Variants in CEP128 observed in about 807,000 individuals in gnomAD.
CEP128 encodes the protein centrosomal protein 128.
A neutral mutation model predicts 156.7 loss-of-function variants in CEP128; 132 were observed. The observed-to-expected ratio is 0.84, with a 90% confidence interval of 0.73 to 0.97. The LOEUF (loss-of-function observed/expected upper bound fraction) is 0.97. Among genes scored for constraint, CEP128 ranks in the 50% least tolerant of loss-of-function variants. CEP128 has a pLI of 0.00. For missense variants in CEP128, 1,252 were observed against 1,281.9 expected, an observed-to-expected ratio of 0.98 and a Z score of 0.36; for synonymous variants, 469 against 448.9, an observed-to-expected ratio of 1.04 and a Z score of -0.57.
intron 9 of CEP128, among the ~76,000 whole-genome samples, chr14:80,856,068 C>T (rs557886869): frequency 1.3e-5 from 2 of 152,150 alleles, no homozygotes; most frequent in Admixed American, 1.3e-4. Flanking sequence ...AAAAAAGTAT[C>T]GATTACTTTA....
intron 8 of CEP128, among the ~76,000 whole-genome samples, chr14:80,894,948 A>C (rs1243064431): frequency 6.6e-6 from 1 of 152,030 alleles, no homozygotes; most frequent in Non-Finnish European, 1.5e-5. Flanking sequence ...ATTTGAATAA[A>C]ATATATTAAG....
intron 19 of CEP128, among the ~76,000 whole-genome samples, chr14:80,623,521 G>T (rs975092387): frequency 6.6e-6 from 1 of 151,112 alleles, no homozygotes. Flanking sequence ...AAAATTTAAA[G>T]CATGGTTTCA....
chr14:80,508,500 G>A (rs933207462), intron 23 of CEP128, among the ~76,000 whole-genome samples: 4 of 151,498 alleles, frequency 2.6e-5, no homozygotes, highest in African/African-American at 9.7e-5. Context: ...TCATTATTAG[G>A]GTTATATAGT....
At chr14:80,594,800 A>T (rs1006929141) in intron 19 of CEP128, among the ~76,000 whole-genome samples, 6 of 152,210 alleles carry the variant, frequency 3.9e-5, no homozygotes, top group Admixed American at 2.0e-4. Flanking sequence ...TTAGAATGGC[A>T]ATCATTAAAA....
intron 19 of CEP128, among the ~76,000 whole-genome samples, chr14:80,598,903 A>G (rs994776690): frequency 2.6e-5 from 4 of 152,222 alleles, no homozygotes; most frequent in Non-Finnish European, 4.4e-5. Context: ...GGATGTGGCT[A>G]TAAAAAATAT....
chr14:80,605,552 G>C (rs1394832131), intron 19 of CEP128, among the ~76,000 whole-genome samples: 2 of 151,742 alleles, frequency 1.3e-5, no homozygotes, highest in Admixed American at 6.6e-5. Context: ...TTCTTATTCA[G>C]ACTCTTTTTA....
chr14:80,904,844 C>G lies in CEP128; in HGVS notation c.449G>C (p.Arg150Pro), dbSNP rs201939198. The G allele has an allele frequency of 6.2e-7, 1 of 1,606,858 alleles. No homozygotes were observed. The highest frequency in any genetic ancestry group is 2.2e-5 in the East Asian group (1 of 44,840). ...CATATCATCAGTCTCTTGAACAAAC[C>G]GGACACCAGTTCTTGATCTCATTCG... is the stretch of plus-strand genomic sequence containing the variant. ...IKRMRSRTGV[R>P]FVQETDDMTQ... The change falls in exon 6 of 25, where the codon CGG becomes CCG. Residue 150 changes from arginine to proline, a missense_variant. Physicochemically the swap from Arg to Pro is moderately radical, Grantham distance 103. Transcript: ENST00000555265.
In CEP128 at chr14:80,784,879, A is replaced by C. The variant is rs772480528; in HGVS notation, c.2211+16T>G. 6.3e-7 allele frequency: 1 copy of C among 1,576,202 alleles called. No individual in the cohort carries two copies. Among genetic ancestry groups the C allele is most frequent in the South Asian group, 1.2e-5 (1 of 84,172 alleles). ...AAAATTCCTTCAGTATCATCAGGAT[A>C]ATTTAGCAGAGGTACCTTCAGAGTC... On this transcript the variant is annotated intron_variant, in intron 15 of 24. Transcript: ENST00000555265.
chr14:80,901,089 C>A (rs1307652642), intron 6 of CEP128, among the ~76,000 whole-genome samples: 1 of 151,812 alleles, frequency 6.6e-6, no homozygotes, highest in Non-Finnish European at 1.5e-5. Flanking sequence ...GCCTGTAGTC[C>A]CAGCTACTCG....
At chr14:80,500,432 G>C (rs753911321) in intron 24 of CEP128, among the ~76,000 whole-genome samples, 17 of 152,116 alleles carry the variant, frequency 1.1e-4, no homozygotes, top group Admixed American at 2.0e-4. Context: ...GATCTAAACT[G>C]CTCCAAACTC....
At chr14:80,530,920 T>TA (rs60585438) in intron 21 of CEP128, 34 bp from the exon 22 acceptor site, 45 of 1,413,166 alleles carry the variant, frequency 3.2e-5, no homozygotes, top group African/African-American at 5.7e-5. Flanking sequence ...CCAAACATTA[T>TA]AAAAAATTGA....
chr14:80,708,201 A>G (rs970518114), intron 19 of CEP128, among the ~76,000 whole-genome samples: 5 of 152,022 alleles, frequency 3.3e-5, no homozygotes, highest in Non-Finnish European at 5.9e-5. Flanking sequence ...GGAATTTTGT[A>G]TTGTTTTCAC....
chr14:80,656,313 A>ATT (rs1566837937), intron 19 of CEP128, among the ~76,000 whole-genome samples: 5 of 19,966 alleles, frequency 2.5e-4, no homozygotes, highest in African/African-American at 1.3e-3. Flanking sequence ...ATATATATAT[A>ATT]TATATATATA....
chr14:80,660,387 T>C (rs1317621961), intron 19 of CEP128, among the ~76,000 whole-genome samples: 4 of 152,164 alleles, frequency 2.6e-5, no homozygotes, highest in Non-Finnish European at 4.4e-5. Flanking sequence ...ATGCCATAGG[T>C]GATATCAATC....
At chr14:80,489,907 CAA>C (rs34425331), downstream of CEP128, among the ~76,000 whole-genome samples, 847 of 131,608 alleles carry the variant, frequency 6.4e-3, 2 homozygotes, top group South Asian at 0.014. Flanking sequence ...GTTTTATCAC[CAA>C]AAAAAAAAAA....
chr14:80,789,874 GTTGTT>G lies in CEP128; in HGVS notation c.1560+2881_1560+2885del, dbSNP rs532174317. Among the ~76,000 whole-genome samples the G allele has an allele frequency of 2.5e-3, 378 of 150,388 alleles. 3 individuals carry two copies. The highest frequency in any genetic ancestry group is 8.7e-3 in the African/African-American group (354 of 40,922). The stretch of plus-strand genomic sequence containing the variant: ...GGGCTTGCTCAATGTTTTTTTTGTT[GTTGTT>G]TTGTTTTGTTTTGTTTTTTACCTGC... On this transcript the variant is annotated intron_variant, in intron 14 of 24. Transcript: ENST00000555265.
chr14:80,754,112 A>G (rs327444), intron 18 of CEP128, among the ~76,000 whole-genome samples: 150,670 of 152,324 alleles, frequency 0.99, 74,544 homozygotes, highest in Middle Eastern at 1. Context: ...TGCAATGTAG[A>G]TCTGAATCCA....
chr14:80,911,248 C>A (rs908759344), intron 4 of CEP128, among the ~76,000 whole-genome samples: 1 of 152,196 alleles, frequency 6.6e-6, no homozygotes, highest in Non-Finnish European at 1.5e-5. Context: ...CCTATAATCC[C>A]AGCACTTTGG....
At chr14:80,891,791 AT>A (rs1432513998) in intron 8 of CEP128, among the ~76,000 whole-genome samples, 18 of 152,024 alleles carry the variant, frequency 1.2e-4, no homozygotes, top group African/African-American at 4.3e-4. Context: ...CTGAATAAAA[AT>A]ATTTCACGAA....
Sources: allele counts gnomAD v4.1 joint callset (sites outside exome capture counted in the v4.1 genomes callset), GRCh38; gene constraint gnomAD v4.1.1; transcripts MANE v1.5; gene names NCBI Gene and HGNC (gene_info 2026-07-23, HGNC 2026-07-21).